Variants in CFAP57 observed in about 807,000 individuals in gnomAD.
CFAP57 encodes the protein cilia- and flagella-associated protein 57.
Under a neutral mutation model 146.8 loss-of-function variants are expected in CFAP57, and 116 were observed. The observed-to-expected ratio is 0.79, with a 90% CI of 0.68 to 0.92. The LOEUF (loss-of-function observed/expected upper bound fraction) is 0.92, where lower values mean the gene tolerates loss of function less well. CFAP57 is among the 40% of genes least tolerant of loss of function. The pLI is 0.00. For missense variants in CFAP57, 1,377 were observed against 1,527.2 expected (o/e 0.90, Z 1.64); for synonymous variants, 518 against 552.8 (o/e 0.94, Z 0.88).
In CFAP57 at chr1:43,181,791, G is replaced by GA; in HGVS notation, c.420dup (p.Gln141ThrfsTer8). The stretch of plus-strand genomic sequence containing the variant: ...GTCAAATCTTGTCTACTGGCTGTGG[G>GA]AAAAACAGAAAGTAATGGCCATTGT... On this transcript the variant is annotated frameshift_variant, in exon 3 of 23. Transcript: ENST00000372492. LOFTEE classifies it high-confidence loss of function. 4.3e-6 allele frequency: 7 copies of GA among 1,614,172 alleles called. No homozygotes were observed. Among genetic ancestry groups the GA allele is most frequent in the Non-Finnish European group, 4.2e-6 (5 of 1,180,026 alleles).
At position 43,222,417 on chromosome 1, in the gene CFAP57, C is replaced by T. The variant is rs551427386; in HGVS notation, c.2532+122C>T. 395 of 883,284 alleles carry T rather than the reference C, an allele frequency of 4.5e-4. 10 individuals carry two copies. The South Asian group carries it at 0.015, about 34-fold the overall frequency. The allele number at this position is 883,284 out of a possible 1,614,324, so 54.7% of individuals were successfully genotyped here. A position where few individuals can be genotyped will look rare whatever the true frequency, so the allele number is the denominator to read the frequency against. ...TTATACACTGGGTCAGACATGGTTTCTACCCCCAAGGAACTTATATCAAAT... is the reference window on the plus strand; with the variant it reads ...TTATACACTGGGTCAGACATGGTTTTTACCCCCAAGGAACTTATATCAAAT... On this transcript the variant is annotated intron_variant, in intron 15 of 22. Transcript: ENST00000372492.
At chr1:43,172,708 C>G in intron 1 of CFAP57, 27 bp from the exon 2 acceptor site, 5 of 1,612,268 alleles carry the variant, frequency 3.1e-6, no homozygotes, top group African/African-American at 1.3e-5. Flanking sequence ...GCTCTCCACT[C>G]TGAAGCGCTG....
chr1:43,213,414 G>A (rs1004297829), intron 11 of CFAP57, among the ~76,000 whole-genome samples: 5 of 151,328 alleles, frequency 3.3e-5, no homozygotes, highest in Non-Finnish European at 7.4e-5. Flanking sequence ...ATTCCAGTGG[G>A]TATATATACC....
chr1:43,214,635 A>G (rs1644765570), intron 11 of CFAP57, among the ~76,000 whole-genome samples: 1 of 152,206 alleles, frequency 6.6e-6, no homozygotes, highest in Admixed American at 6.5e-5. Flanking sequence ...ATAAATGCCC[A>G]GGAGTATAAT....
chr1:43,235,827 C>A (rs1645665494), intron 21 of CFAP57, among the ~76,000 whole-genome samples: 1 of 152,218 alleles, frequency 6.6e-6, no homozygotes, highest in Non-Finnish European at 1.5e-5. Context: ...ACAGCAGGAG[C>A]AGTTGTCAGC....
chr1:43,202,989 C>T (rs1299217064), intron 9 of CFAP57, among the ~76,000 whole-genome samples: 2 of 151,928 alleles, frequency 1.3e-5, no homozygotes, highest in Middle Eastern at 3.4e-3. Context: ...CTGGATAACA[C>T]GGTGAAACTC....
chr1:43,203,039 G>A (rs1249563785), intron 9 of CFAP57, among the ~76,000 whole-genome samples: 1 of 151,810 alleles, frequency 6.6e-6, no homozygotes, highest in Non-Finnish European at 1.5e-5. Flanking sequence ...CGAGCATGGT[G>A]GTGGGCACCT....
chr1:43,252,411 C>T (rs1350093801), intron 22 of CFAP57, among the ~76,000 whole-genome samples: 2 of 151,902 alleles, frequency 1.3e-5, no homozygotes, highest in Non-Finnish European at 2.9e-5. Flanking sequence ...TGGCTTAAGG[C>T]GATCTTGGCT....
intron 22 of CFAP57, among the ~76,000 whole-genome samples, chr1:43,249,944 T>C (rs931478016): frequency 5.9e-5 from 9 of 152,206 alleles, no homozygotes; most frequent in African/African-American, 2.2e-4. Flanking sequence ...TGCCAAACAC[T>C]GAAACCTCAA....
At chr1:43,245,237 G>T (rs1279217974) in intron 22 of CFAP57, among the ~76,000 whole-genome samples, 3 of 151,026 alleles carry the variant, frequency 2.0e-5, no homozygotes, top group Admixed American at 2.0e-4. Context: ...GAGTAAAATT[G>T]ATCACCTGAA....
At chr1:43,241,186 C>T (rs1645901173) in intron 21 of CFAP57, among the ~76,000 whole-genome samples, 1 of 152,190 alleles carries the variant, frequency 6.6e-6, no homozygotes, top group Non-Finnish European at 1.5e-5. Context: ...ATAGAACAAG[C>T]ACTCATTACT....
Position 43,234,490 on chromosome 1 carries a change from G to A in CFAP57, c.3262-5G>A, listed in dbSNP as rs897269502. 2.3e-5 allele frequency: 35 copies of A among 1,547,404 alleles called. No homozygotes were observed. The highest frequency in any genetic ancestry group is 2.9e-5 in the Non-Finnish European group (33 of 1,145,174). ...CCTCACTGAGAATCTCCTGGGCCCC[G>A]TCAGGTGGAGATCGCAGGGCTGAAC... is the stretch of plus-strand genomic sequence containing the variant. On this transcript the variant is annotated splice_polypyrimidine_tract_variant and splice_region_variant and intron_variant, in intron 20 of 22. Coordinates refer to ENST00000372492, the MANE Select transcript of CFAP57 (RefSeq NM_001378189.1).
At chr1:43,232,304 T>C in intron 18 of CFAP57, 1 of 593,342 alleles carries the variant, frequency 1.7e-6, no homozygotes, top group Non-Finnish European at 3.0e-6. Flanking sequence ...CACGTGATGC[T>C]GGTTTAGCAT....
At chr1:43,241,346 TTAAG>T (rs914213100) in intron 21 of CFAP57, among the ~76,000 whole-genome samples, 2 of 152,154 alleles carry the variant, frequency 1.3e-5, no homozygotes, top group African/African-American at 2.4e-5. Flanking sequence ...AATACTGAAA[TTAAG>T]TAATATACTG....
At chr1:43,174,641 C>T (rs1645101212) in intron 2 of CFAP57, among the ~76,000 whole-genome samples, 1 of 152,166 alleles carries the variant, frequency 6.6e-6, no homozygotes, top group Non-Finnish European at 1.5e-5. Flanking sequence ...CATAGTGAAA[C>T]CCCGTCTCTA....
chr1:43,240,800 G>A (rs1330042433), intron 21 of CFAP57, among the ~76,000 whole-genome samples: 1 of 152,186 alleles, frequency 6.6e-6, no homozygotes, highest in East Asian at 1.9e-4. Flanking sequence ...CATGATGGAA[G>A]GCAAAAGAGG....
intron 3 of CFAP57, among the ~76,000 whole-genome samples, chr1:43,183,158 G>C (rs139202102): frequency 6.1e-4 from 93 of 152,324 alleles, no homozygotes; most frequent in African/African-American, 1.9e-3. Flanking sequence ...TAGAGGAGCA[G>C]GTGTACATTG....
intron 6 of CFAP57, among the ~76,000 whole-genome samples, chr1:43,190,517 G>C (rs1178223733): frequency 6.6e-6 from 1 of 152,056 alleles, no homozygotes; most frequent in Non-Finnish European, 1.5e-5. Flanking sequence ...TGATCCGCCT[G>C]CCTCGGCCTC....
chr1:43,179,084 A>T (rs973171887), intron 2 of CFAP57, among the ~76,000 whole-genome samples: 2 of 152,002 alleles, frequency 1.3e-5, no homozygotes, highest in Non-Finnish European at 2.9e-5. Context: ...GAATTGAACA[A>T]TGAGAACACT....
Sources: allele counts gnomAD v4.1 joint callset (sites outside exome capture counted in the v4.1 genomes callset), GRCh38; gene constraint gnomAD v4.1.1; transcripts MANE v1.5; gene names NCBI Gene and HGNC (gene_info 2026-07-23, HGNC 2026-07-21).